Variants in NRXN3 observed in about 807,000 individuals in gnomAD.
NRXN3 encodes neurexin 3, also known as neurexin III.
A neutral mutation model predicts 137.6 loss-of-function variants in NRXN3; 32 were observed. The ratio of observed to expected loss-of-function variants is 0.23; its 90% CI spans 0.18 to 0.31. NRXN3 has a LOEUF of 0.31. Among genes scored for constraint, NRXN3 ranks in the 10% least tolerant of loss-of-function variants. The pLI, the probability that NRXN3 is intolerant of heterozygous loss-of-function variation, is 1.00. For missense variants in NRXN3, 1,574 were observed against 2,062.5 expected, an observed-to-expected ratio of 0.76 and a Z score of 4.59; for synonymous variants, 798 against 784.5, an observed-to-expected ratio of 1.02 and a Z score of -0.29.
At chr14:79,800,634 A>T (rs746434254) in intron 19 of NRXN3, among the ~76,000 whole-genome samples, 3 of 152,210 alleles carry the variant, frequency 2.0e-5, no homozygotes, top group Non-Finnish European at 4.4e-5. Flanking sequence ...TCTGAGTCTG[A>T]GTCTATCTGC....
chr14:78,951,835 A>G (rs1417060417), intron 10 of NRXN3, among the ~76,000 whole-genome samples: 2 of 152,190 alleles, frequency 1.3e-5, no homozygotes, highest in Admixed American at 6.5e-5. Flanking sequence ...GGCAGAAGTG[A>G]GTAACAGTAT....
intron 4 of NRXN3, among the ~76,000 whole-genome samples, chr14:78,472,435 C>A (rs1188971325): frequency 6.6e-5 from 10 of 152,168 alleles, no homozygotes; most frequent in Admixed American, 4.6e-4. Flanking sequence ...TCCTCTCTAC[C>A]AAACACCATT....
chr14:78,688,715 A>G (rs934888859), intron 6 of NRXN3, among the ~76,000 whole-genome samples: 2 of 152,190 alleles, frequency 1.3e-5, no homozygotes, highest in Non-Finnish European at 2.9e-5. Flanking sequence ...AGGTATTCAA[A>G]TGAAAAGCAT....
intron 15 of NRXN3, among the ~76,000 whole-genome samples, chr14:79,354,235 A>G (rs1566890082): frequency 6.6e-6 from 1 of 152,170 alleles, no homozygotes; most frequent in Non-Finnish European, 1.5e-5. Context: ...CTTCAAAGGA[A>G]CAAACTATAA....
At chr14:78,253,322 TA>T (rs1196592677) in intron 2 of NRXN3, among the ~76,000 whole-genome samples, 3 of 152,184 alleles carry the variant, frequency 2.0e-5, no homozygotes, top group African/African-American at 4.8e-5. Context: ...TATAATGTAT[TA>T]CTTTCTAGCT....
chr14:79,173,013 A>G (rs1224830176), intron 15 of NRXN3, among the ~76,000 whole-genome samples: 4 of 152,152 alleles, frequency 2.6e-5, no homozygotes, highest in East Asian at 3.9e-4. Flanking sequence ...AAGATAACCA[A>G]CCATCCATAT....
At chr14:78,945,982 C>T (rs2099364353) in intron 10 of NRXN3, among the ~76,000 whole-genome samples, 1 of 152,184 alleles carries the variant, frequency 6.6e-6, no homozygotes, top group African/African-American at 2.4e-5. Context: ...GGCAAAATGC[C>T]TGACATAAGA....
chr14:78,713,812 C>T (rs2098419845), intron 7 of NRXN3, among the ~76,000 whole-genome samples: 1 of 152,154 alleles, frequency 6.6e-6, no homozygotes, highest in African/African-American at 2.4e-5. Context: ...AGAACTCACT[C>T]ACTATCATGA....
chr14:79,574,669 G>A (rs1445899480), intron 16 of NRXN3, among the ~76,000 whole-genome samples: 1 of 151,972 alleles, frequency 6.6e-6, no homozygotes, highest in African/African-American at 2.4e-5. Flanking sequence ...GTGGACTGGG[G>A]GGTTTGGGGA....
chr14:79,548,529 T>C (rs999603847), intron 16 of NRXN3, among the ~76,000 whole-genome samples: 12 of 152,080 alleles, frequency 7.9e-5, no homozygotes, highest in African/African-American at 2.7e-4. Flanking sequence ...AGTAGAATGA[T>C]TTATAATCCT....
intron 10 of NRXN3, among the ~76,000 whole-genome samples, chr14:78,904,685 G>T (rs2099209420): frequency 6.6e-6 from 1 of 151,842 alleles, no homozygotes; most frequent in Non-Finnish European, 1.5e-5. Context: ...AGTAACTGTT[G>T]CTCCTAATTT....
At chr14:79,280,634 A>G in intron 15 of NRXN3, 1 of 1,209,384 alleles carries the variant, frequency 8.3e-7, no homozygotes, top group Admixed American at 2.2e-5. Flanking sequence ...GGGAATTTAA[A>G]AAAAATGAAT....
At chr14:79,572,657 A>G (rs1162624838) in intron 16 of NRXN3, among the ~76,000 whole-genome samples, 1 of 152,196 alleles carries the variant, frequency 6.6e-6, no homozygotes, top group Non-Finnish European at 1.5e-5. Context: ...TCTTTGTACT[A>G]GGCTCCATGC....
intron 15 of NRXN3, among the ~76,000 whole-genome samples, chr14:79,147,422 C>A (rs188043263): frequency 5.7e-4 from 86 of 152,162 alleles, no homozygotes; most frequent in African/African-American, 1.8e-3. Flanking sequence ...CCTTGTAGAT[C>A]GCAGGGATGG....
intron 20 of NRXN3, among the ~76,000 whole-genome samples, chr14:79,837,090 G>A (rs1036854831): frequency 3.3e-5 from 5 of 152,006 alleles, no homozygotes; most frequent in Admixed American, 3.3e-4. Context: ...CCAAGCTAGG[G>A]GTGTTGTAAA....
intron 11 of NRXN3, among the ~76,000 whole-genome samples, chr14:78,964,409 A>G (rs1427858813): frequency 3.3e-5 from 5 of 152,244 alleles, no homozygotes; most frequent in African/African-American, 1.2e-4. Context: ...CATTCTATGG[A>G]TGCATGCAGT....
At chr14:78,492,427 C>T (rs997838765) in intron 4 of NRXN3, among the ~76,000 whole-genome samples, 1 of 152,096 alleles carries the variant, frequency 6.6e-6, no homozygotes, top group Non-Finnish European at 1.5e-5. Context: ...TAAATAAGAT[C>T]GTGCATATAA....
chr14:79,780,444 C>CAA (rs11463667), intron 19 of NRXN3, among the ~76,000 whole-genome samples: 118 of 146,548 alleles, frequency 8.1e-4, no homozygotes, highest in Middle Eastern at 6.8e-3. Context: ...ACTAAAAATA[C>CAA]AAAAAAAAAA....
chr14:78,531,947 A>G (rs1359054832), intron 4 of NRXN3, among the ~76,000 whole-genome samples: 4 of 152,096 alleles, frequency 2.6e-5, no homozygotes. Flanking sequence ...GCTCCAAAAT[A>G]TCACCAGTTT....
Sources: allele counts gnomAD v4.1 joint callset (sites outside exome capture counted in the v4.1 genomes callset), GRCh38; gene constraint gnomAD v4.1.1; transcripts MANE v1.5; gene names NCBI Gene and HGNC (gene_info 2026-07-23, HGNC 2026-07-21).